GPC5: variants seen among roughly 807,000 people sequenced by gnomAD.
The protein encoded by GPC5 is glypican-5.
GPC5 carries 47 observed loss-of-function variants against 53.9 expected under a neutral mutation model. The ratio of observed to expected loss-of-function variants is 0.87; its 90% CI spans 0.69 to 1.11. The LOEUF is 1.11. Ranked by LOEUF, GPC5 falls within the 50% of genes most tolerant of loss-of-function variation. The pLI is 0.00. For missense variants in GPC5, 748 were observed against 713.1 expected (o/e 1.05, Z -0.56); for synonymous variants, 286 against 263.3 (o/e 1.09, Z -0.84).
At chr13:92,096,780 G>T (rs1278149333) in intron 6 of GPC5, among the ~76,000 whole-genome samples, 1 of 152,180 alleles carries the variant, frequency 6.6e-6, no homozygotes, top group Non-Finnish European at 1.5e-5. Context: ...CAGAACTGTG[G>T]TATACAGTGG....
chr13:92,327,878 T>G (rs1481957105), intron 7 of GPC5, among the ~76,000 whole-genome samples: 1 of 152,156 alleles, frequency 6.6e-6, no homozygotes. Context: ...TCACTAACAG[T>G]GCAACTTCTT....
In GPC5 at chr13:92,092,554, G is replaced by A. The variant is rs146960341; in HGVS notation, c.1402-52276G>A. Among the ~76,000 whole-genome samples the A allele has an allele frequency of 1.4e-3, 211 of 152,136 alleles. 2 individuals are homozygous for A. The highest frequency in any genetic ancestry group is 4.8e-3 in the African/African-American group (198 of 41,530). On this transcript the variant is annotated intron_variant, in intron 6 of 7. Coordinates refer to ENST00000377067, the MANE Select transcript of GPC5 (RefSeq NM_004466.6). ...TGAGTTCACTAATAAAATTATATTT[G>A]GAATCTTATATCATTCCCAGATTAA...
intron 2 of GPC5, among the ~76,000 whole-genome samples, chr13:91,591,723 T>C (rs2032806710): frequency 6.6e-6 from 1 of 152,368 alleles, no homozygotes; most frequent in South Asian, 2.1e-4. Context: ...GCTTAGTCTA[T>C]TTGCTGTTAA....
intron 2 of GPC5, among the ~76,000 whole-genome samples, chr13:91,648,258 C>T (rs913697469): frequency 5.3e-5 from 8 of 152,092 alleles, no homozygotes; most frequent in African/African-American, 1.9e-4. Flanking sequence ...CACTGGAGCA[C>T]ATGTGCAATG....
intron 7 of GPC5, among the ~76,000 whole-genome samples, chr13:92,613,625 A>G (rs11842153): frequency 0.075 from 10,125 of 134,210 alleles, 1,241 homozygotes; most frequent in African/African-American, 0.26. Context: ...TATTTTATTT[A>G]TTATATTTTA....
intron 5 of GPC5, among the ~76,000 whole-genome samples, chr13:91,825,046 G>C (rs548267388): frequency 3.5e-4 from 52 of 150,488 alleles, no homozygotes; most frequent in African/African-American, 1.2e-3. Flanking sequence ...AAATTATACT[G>C]TTTAATTGAT....
At chr13:91,530,571 CT>C (rs773257816) in intron 2 of GPC5, among the ~76,000 whole-genome samples, 6 of 152,152 alleles carry the variant, frequency 3.9e-5, no homozygotes, top group Non-Finnish European at 8.8e-5. Flanking sequence ...TCACCTTTAG[CT>C]TTTTCCACCA....
At chr13:92,483,257 T>C (rs1260459762) in intron 7 of GPC5, among the ~76,000 whole-genome samples, 1 of 152,184 alleles carries the variant, frequency 6.6e-6, no homozygotes. Flanking sequence ...GTGAACATCA[T>C]GAGCATACTT....
At chr13:92,132,974 AC>A in intron 6 of GPC5, among the ~76,000 whole-genome samples, 1 of 152,240 alleles carries the variant, frequency 6.6e-6, no homozygotes, top group Admixed American at 6.5e-5. Context: ...GCTATAAGAC[AC>A]ATAAGAAATT....
At chr13:91,421,773 G>A (rs1878652727) in intron 1 of GPC5, among the ~76,000 whole-genome samples, 1 of 152,184 alleles carries the variant, frequency 6.6e-6, no homozygotes, top group Non-Finnish European at 1.5e-5. Context: ...AATTATAGAA[G>A]CCTGTAGAGA....
At chr13:92,156,725 G>A (rs866193451) in intron 7 of GPC5, among the ~76,000 whole-genome samples, 6 of 151,954 alleles carry the variant, frequency 3.9e-5, no homozygotes, top group African/African-American at 9.7e-5. Flanking sequence ...GCTATCTTAC[G>A]TGAATTTCCC....
In GPC5 at chr13:91,478,822, TACACACACACAC is replaced by T. The variant is rs1194096313; in HGVS notation, c.325+29902_325+29913del. Among the ~76,000 whole-genome samples, 92 of 91,978 alleles carry T rather than the reference TACACACACACAC, an allele frequency of 1.0e-3. 1 individual carries two copies. Among genetic ancestry groups the T allele is most frequent in the African/African-American group, 1.8e-3 (34 of 19,294 alleles). 60.3% of individuals were successfully genotyped at this position (91,978 alleles called of 152,430 possible). The stretch of plus-strand genomic sequence containing the variant: ...ATATATATATATATATATATATATA[TACACACACACAC>T]ATATATATACACATTATATATATAT... On this transcript the variant is annotated intron_variant, in intron 2 of 7. Coordinates refer to ENST00000377067, the MANE Select transcript of GPC5 (RefSeq NM_004466.6).
chr13:91,766,020 A>G (rs1483917669), intron 5 of GPC5, among the ~76,000 whole-genome samples: 1 of 152,252 alleles, frequency 6.6e-6, no homozygotes, highest in Non-Finnish European at 1.5e-5. Context: ...GTAACACAAT[A>G]AAAATAACTT....
intron 2 of GPC5, among the ~76,000 whole-genome samples, chr13:91,690,991 C>A (rs913528288): frequency 6.6e-6 from 1 of 152,150 alleles, no homozygotes; most frequent in East Asian, 1.9e-4. Flanking sequence ...TGACCCACTT[C>A]GCGGTTCTTA....
At chr13:91,824,685 A>G (rs1164448770) in intron 5 of GPC5, among the ~76,000 whole-genome samples, 1 of 151,640 alleles carries the variant, frequency 6.6e-6, no homozygotes, top group Non-Finnish European at 1.5e-5. Flanking sequence ...CCTCCAATAA[A>G]TGTTTCTTTG....
intron 5 of GPC5, among the ~76,000 whole-genome samples, chr13:91,787,816 CAG>C (rs1238058662): frequency 6.6e-6 from 1 of 152,008 alleles, no homozygotes; most frequent in Non-Finnish European, 1.5e-5. Context: ...AAATAAGTGA[CAG>C]AGAAATGTTA....
intron 7 of GPC5, among the ~76,000 whole-genome samples, chr13:92,296,565 C>T (rs888559324): frequency 6.6e-6 from 1 of 152,072 alleles, no homozygotes; most frequent in Admixed American, 6.5e-5. Context: ...ACTTTGGTGG[C>T]ATTTGAGGAG....
At chr13:91,536,994 C>T (rs921205436) in intron 2 of GPC5, among the ~76,000 whole-genome samples, 10 of 151,674 alleles carry the variant, frequency 6.6e-5, no homozygotes, top group African/African-American at 9.7e-5. Flanking sequence ...AAATATTTTG[C>T]GAAGAATAAA....
At chr13:92,033,719 C>A (rs983229964) in intron 6 of GPC5, among the ~76,000 whole-genome samples, 1 of 152,088 alleles carries the variant, frequency 6.6e-6, no homozygotes, top group Non-Finnish European at 1.5e-5. Flanking sequence ...CTTTTAACTG[C>A]CTGATGTTTA....
Sources: allele counts gnomAD v4.1 joint callset (sites outside exome capture counted in the v4.1 genomes callset), GRCh38; gene constraint gnomAD v4.1.1; transcripts MANE v1.5; gene names NCBI Gene and HGNC (gene_info 2026-07-23, HGNC 2026-07-21).